The following SFTPD variants were observed in gnomAD, a reference collection of about 807,000 sequenced individuals.
SFTPD encodes surfactant protein D, also known as pulmonary surfactant-associated protein D.
SFTPD carries 18 observed loss-of-function variants against 34.6 expected under a neutral mutation model. The observed-to-expected ratio is 0.52, with a 90% CI of 0.36 to 0.77. The LOEUF is 0.77. Among genes scored for constraint, SFTPD ranks in the 30% least tolerant of loss-of-function variants. The pLI is 0.00. For synonymous variants in SFTPD, 155 were observed against 180.9 expected (o/e 0.86, Z 1.15); for missense variants, 433 against 468.9 (o/e 0.92, Z 0.71).
In SFTPD at chr10:79,942,488, G is replaced by GGGAGGTCCT; in HGVS notation, c.324_332dup (p.Pro110_Gly112dup). The GGGAGGTCCT allele has an allele frequency of 6.8e-6, 11 of 1,612,436 alleles. No individual in the cohort carries two copies. The South Asian group carries it at 7.7e-5, about 11-fold the overall frequency. ...CTCTTCCAGCTGGACCAGGCACACC[G>GGGAGGTCCT]GGAGGTCCTGGAGGTCCTGAGCAAA... On this transcript the variant is annotated inframe_insertion, in exon 4 of 8. Transcript: ENST00000372292.
At chr10:79,948,586 A>G (rs746248468) in intron 1 of SFTPD, among the ~76,000 whole-genome samples, 2 of 152,094 alleles carry the variant, frequency 1.3e-5, no homozygotes, top group African/African-American at 4.8e-5. Context: ...CAGTAAGTAT[A>G]TTTTTTAAAG....
chr10:79,970,456 T>C (rs1168962270), intron 1 of SFTPD: 1 of 152,194 alleles, frequency 6.6e-6, no homozygotes, highest in Non-Finnish European at 1.5e-5. Context: ...TAGATCATTT[T>C]TGGTAGTATG....
At chr10:79,956,379 G>T (rs1197986196) in intron 1 of SFTPD, among the ~76,000 whole-genome samples, 2 of 152,264 alleles carry the variant, frequency 1.3e-5, no homozygotes, top group South Asian at 4.1e-4. Context: ...AGCACAAGGG[G>T]TCAGGGAGTT....
At chr10:79,951,233 G>A (rs1470905064), upstream of SFTPD, among the ~76,000 whole-genome samples, 1 of 152,150 alleles carries the variant, frequency 6.6e-6, no homozygotes, top group East Asian at 1.9e-4. Context: ...GGGAGCTGGT[G>A]TGATCCTTTG....
At chr10:79,954,241 T>C (rs550917372) in intron 1 of SFTPD, among the ~76,000 whole-genome samples, 20 of 152,338 alleles carry the variant, frequency 1.3e-4, no homozygotes, top group Non-Finnish European at 2.5e-4. Flanking sequence ...TGCCTGATTC[T>C]TTATGATCCT....
intron 1 of SFTPD, among the ~76,000 whole-genome samples, chr10:79,959,896 A>G (rs539240683): frequency 0.15 from 22,148 of 151,978 alleles, 2,034 homozygotes; most frequent in East Asian, 0.41. Flanking sequence ...AAAATCCTCA[A>G]TAAAATACTG....
chr10:79,965,193 C>T (rs1842796736), intron 1 of SFTPD, among the ~76,000 whole-genome samples: 1 of 152,172 alleles, frequency 6.6e-6, no homozygotes, highest in African/African-American at 2.4e-5. Flanking sequence ...CCCTTGGGCA[C>T]TCTCTAATTG....
At chr10:79,960,290 G>A (rs1389141408) in intron 1 of SFTPD, among the ~76,000 whole-genome samples, 6 of 144,886 alleles carry the variant, frequency 4.1e-5, no homozygotes, top group Non-Finnish European at 9.1e-5. Context: ...GGAAGTTCTG[G>A]CCAGGGCAAT....
chr10:79,948,389 G>A (rs777881049), intron 1 of SFTPD, among the ~76,000 whole-genome samples: 4 of 152,196 alleles, frequency 2.6e-5, no homozygotes, highest in Non-Finnish European at 4.4e-5. Flanking sequence ...CACTTGGAGA[G>A]GGCAGACCCG....
At chr10:79,946,412 T>A (rs753707929) in intron 2 of SFTPD, 49 bp downstream of exon 2, 2 of 1,395,400 alleles carry the variant, frequency 1.4e-6, no homozygotes, top group Non-Finnish European at 2.0e-6. Flanking sequence ...TAGTTACAGT[T>A]CCAATGACCA....
At chr10:79,948,467 G>C (rs1358281348) in intron 1 of SFTPD, among the ~76,000 whole-genome samples, 1 of 152,114 alleles carries the variant, frequency 6.6e-6, no homozygotes, top group Non-Finnish European at 1.5e-5. Flanking sequence ...GCAGAGTTGT[G>C]GTCCCCCTCA....
intron 1 of SFTPD, chr10:79,981,746 G>A (rs1001504093): frequency 1.9e-5 from 3 of 157,644 alleles, no homozygotes; most frequent in African/African-American, 7.2e-5. Context: ...AGCCCTGGGA[G>A]CCGGAGGATG....
intron 6 of SFTPD, among the ~76,000 whole-genome samples, 170 bp downstream of exon 6, chr10:79,941,228 A>G (rs1039508678): frequency 1.3e-5 from 2 of 152,248 alleles, no homozygotes; most frequent in Admixed American, 1.3e-4. Flanking sequence ...GGCTAAGACC[A>G]GAGCCCCATG....
intron 2 of SFTPD, 69 bp from the exon 3 acceptor site, chr10:79,942,948 C>G: frequency 1.1e-6 from 1 of 942,496 alleles, no homozygotes. Flanking sequence ...CCTGCAGGAT[C>G]AGCCCCTAGC....
At chr10:79,970,537 A>G (rs1164048315) in intron 1 of SFTPD, 2 of 151,964 alleles carry the variant, frequency 1.3e-5, no homozygotes, top group African/African-American at 4.8e-5. Context: ...GATCTCTTCA[A>G]TTTCTTTCAT....
chr10:79,957,254 C>T (rs922727547), intron 1 of SFTPD, among the ~76,000 whole-genome samples: 1 of 152,204 alleles, frequency 6.6e-6, no homozygotes, highest in Non-Finnish European at 1.5e-5. Flanking sequence ...CTCTCCTCCT[C>T]CAAAGGAATG....
At chr10:79,979,253 G>C (rs765778260) in intron 1 of SFTPD, among the ~76,000 whole-genome samples, 1 of 152,224 alleles carries the variant, frequency 6.6e-6, no homozygotes, top group Non-Finnish European at 1.5e-5. Context: ...TCAGGAAGCA[G>C]AGCAAGATGG....
intron 1 of SFTPD, among the ~76,000 whole-genome samples, chr10:79,958,165 A>G (rs1242398399): frequency 2.0e-5 from 3 of 152,250 alleles, no homozygotes; most frequent in Non-Finnish European, 4.4e-5. Context: ...AAACATGGAA[A>G]GGAACAACTG....
At chr10:79,953,939 T>C (rs1450298852), upstream of SFTPD, among the ~76,000 whole-genome samples, 1 of 152,014 alleles carries the variant, frequency 6.6e-6, no homozygotes, top group Non-Finnish European at 1.5e-5. Flanking sequence ...TTGAATCTCC[T>C]GTTGAAGTGC....
Sources: gnomAD v4.1 joint callset for allele counts (sites outside exome capture counted in the v4.1 genomes callset) on GRCh38, gnomAD v4.1.1 for gene constraint, MANE v1.5 for transcripts, NCBI Gene and HGNC (gene_info 2026-07-23, HGNC 2026-07-21) for gene names.